THSD4: variants seen among roughly 807,000 people sequenced by gnomAD.
THSD4 encodes the protein thrombospondin type-1 domain-containing protein 4.
Under a neutral mutation model 119.0 loss-of-function variants are expected in THSD4, and 69 were observed. The ratio of observed to expected loss-of-function variants is 0.58; its 90% CI spans 0.48 to 0.71. THSD4 has a LOEUF of 0.71. Among genes scored for constraint, THSD4 ranks in the 30% least tolerant of loss-of-function variants. The pLI, the probability that THSD4 is intolerant of heterozygous loss-of-function variation, is 0.00. For synonymous variants in THSD4, 524 were observed against 540.4 expected (o/e 0.97, Z 0.42); for missense variants, 1,393 against 1,391.1 (o/e 1.00, Z -0.02).
In THSD4 at chr15:71,777,246, G is replaced by A; in HGVS notation, c.2929G>A (p.Asp977Asn). Residue 977 changes from aspartate (D) to asparagine (N), a missense_variant, in exon 18 of 18, where the codon GAC becomes AAC. Physicochemically the swap from Asp to Asn is conservative, Grantham distance 23. Transcript: ENST00000261862. ...TTTCGCTACAGATGAAAACTGCAAGGACAAGTACTACAACTGCAACGTGGT... is the reference window on the plus strand; with the variant it reads ...TTTCGCTACAGATGAAAACTGCAAGAACAAGTACTACAACTGCAACGTGGT... Reference protein sequence around the residue: ...CVPEVDENCKDKYYNCNVVVQ... With the variant: ...CVPEVDENCKNKYYNCNVVVQ... 1.2e-6 allele frequency: 2 copies of A among 1,614,164 alleles called. No homozygotes were observed. The highest frequency in any genetic ancestry group is 1.7e-6 in the Non-Finnish European group (2 of 1,180,030).
At chr15:71,388,307 T>A (rs1356405483) in intron 6 of THSD4, among the ~76,000 whole-genome samples, 2 of 152,180 alleles carry the variant, frequency 1.3e-5, no homozygotes, top group Non-Finnish European at 2.9e-5. Flanking sequence ...ACCCACTAGG[T>A]GCCAGGTACT....
At chr15:71,526,269 A>G (rs2048517108) in intron 7 of THSD4, among the ~76,000 whole-genome samples, 1 of 152,118 alleles carries the variant, frequency 6.6e-6, no homozygotes, top group African/African-American at 2.4e-5. Flanking sequence ...AGAGAATGCA[A>G]ATTTCTTCAA....
intron 6 of THSD4, among the ~76,000 whole-genome samples, chr15:71,268,669 A>G (rs1393219152): frequency 7.3e-6 from 1 of 137,748 alleles, no homozygotes; most frequent in East Asian, 2.0e-4. Context: ...TGAATCCAGG[A>G]ACTGTTTTTT....
At chr15:71,413,152 C>A (rs2046712774) in intron 7 of THSD4, among the ~76,000 whole-genome samples, 1 of 152,184 alleles carries the variant, frequency 6.6e-6, no homozygotes. Flanking sequence ...GCTGGGATTA[C>A]AGGCTCACGC....
chr15:71,423,415 T>A (rs1471313463), intron 7 of THSD4, among the ~76,000 whole-genome samples: 1 of 152,062 alleles, frequency 6.6e-6, no homozygotes, highest in African/African-American at 2.4e-5. Context: ...AGGTGATGAA[T>A]CCTGCCAGGA....
intron 6 of THSD4, among the ~76,000 whole-genome samples, chr15:71,272,034 A>G (rs187757568): frequency 1.4e-4 from 21 of 152,324 alleles, no homozygotes; most frequent in Non-Finnish European, 2.6e-4. Flanking sequence ...TACAAATCAT[A>G]CGTCAGATCA....
intron 6 of THSD4, among the ~76,000 whole-genome samples, chr15:71,363,808 A>G (rs1433755614): frequency 6.6e-6 from 1 of 152,160 alleles, no homozygotes; most frequent in African/African-American, 2.4e-5. Flanking sequence ...CATTTGCATT[A>G]CTATCAGTTT....
chr15:71,663,067 C>A (rs2051342541), intron 8 of THSD4, among the ~76,000 whole-genome samples: 1 of 151,884 alleles, frequency 6.6e-6, no homozygotes, highest in African/African-American at 2.4e-5. Context: ...TGCGCAACAT[C>A]AAGTGAGACC....
chr15:71,698,065 A>G (rs1255619061), intron 8 of THSD4, among the ~76,000 whole-genome samples: 1 of 152,150 alleles, frequency 6.6e-6, no homozygotes, highest in Non-Finnish European at 1.5e-5. Flanking sequence ...CTCACACTGC[A>G]GAGTCCCTCG....
chr15:71,216,782 G>A (rs545758758), intron 4 of THSD4, among the ~76,000 whole-genome samples: 5 of 152,208 alleles, frequency 3.3e-5, no homozygotes, highest in East Asian at 1.9e-4. Context: ...CCACAATGCC[G>A]TAATAGCATA....
chr15:71,289,970 C>T (rs573088655), intron 6 of THSD4, among the ~76,000 whole-genome samples: 10 of 152,142 alleles, frequency 6.6e-5, no homozygotes, highest in Admixed American at 2.6e-4. Context: ...TGATGGTGCC[C>T]GGGCATGGGG....
intron 3 of THSD4, among the ~76,000 whole-genome samples, chr15:71,182,667 A>G (rs911017379): frequency 2.0e-5 from 3 of 151,764 alleles, no homozygotes; most frequent in African/African-American, 7.2e-5. Context: ...TTAGGCCACA[A>G]ATCTTAGTCT....
chr15:71,534,318 T>C (rs1842376627), intron 7 of THSD4, among the ~76,000 whole-genome samples: 1 of 152,246 alleles, frequency 6.6e-6, no homozygotes, highest in African/African-American at 2.4e-5. Flanking sequence ...CCTGTTTCCC[T>C]AGACTCTTGC....
At chr15:71,238,555 A>G (rs2044126043) in intron 4 of THSD4, among the ~76,000 whole-genome samples, 1 of 152,190 alleles carries the variant, frequency 6.6e-6, no homozygotes, top group Admixed American at 6.5e-5. Context: ...AAATGGAATC[A>G]TATGTGTCTG....
intron 6 of THSD4, among the ~76,000 whole-genome samples, chr15:71,300,267 G>A (rs6494903): frequency 0.79 from 120,356 of 152,026 alleles, 47,947 homozygotes; most frequent in East Asian, 0.88. Context: ...GAAAGCAGAA[G>A]GCATTTTGAT....
intron 3 of THSD4, among the ~76,000 whole-genome samples, chr15:71,158,673 G>C (rs1379700250): frequency 6.7e-6 from 1 of 150,338 alleles, no homozygotes; most frequent in Admixed American, 6.6e-5. Context: ...TTGATGTTGA[G>C]TTATTTAAGT....
At chr15:71,695,704 A>G (rs2141060331) in intron 8 of THSD4, among the ~76,000 whole-genome samples, 1 of 152,238 alleles carries the variant, frequency 6.6e-6, no homozygotes, top group East Asian at 1.9e-4. Context: ...CACACTCAGG[A>G]GGCAGGACGG....
At chr15:71,510,214 C>T (rs2048258186) in intron 7 of THSD4, among the ~76,000 whole-genome samples, 1 of 152,170 alleles carries the variant, frequency 6.6e-6, no homozygotes, top group African/African-American at 2.4e-5. Flanking sequence ...GGTAAACACT[C>T]AGTAATTGGT....
intron 7 of THSD4, among the ~76,000 whole-genome samples, chr15:71,618,861 A>T (rs568659191): frequency 1.6e-4 from 24 of 152,260 alleles, no homozygotes; most frequent in African/African-American, 5.8e-4. Flanking sequence ...TACAGACATA[A>T]GCCACCGTGC....
Sources: gnomAD v4.1 joint callset for allele counts (sites outside exome capture counted in the v4.1 genomes callset) on GRCh38, gnomAD v4.1.1 for gene constraint, MANE v1.5 for transcripts, NCBI Gene and HGNC (gene_info 2026-07-23, HGNC 2026-07-21) for gene names.